Variants in SCHIP1 observed in about 807,000 individuals in gnomAD.
SCHIP1 encodes the protein schwannomin interacting protein 1, also known as schwannomin-interacting protein 1.
In SCHIP1, 8 loss-of-function variants were observed where a neutral mutation model predicts 29.7. The observed-to-expected ratio is 0.27, with a 90% CI of 0.16 to 0.49. The LOEUF (loss-of-function observed/expected upper bound fraction) is 0.49. Ranked by LOEUF, SCHIP1 falls within the 20% of genes least tolerant of loss-of-function variation. SCHIP1 has a pLI of 0.99. For missense variants in SCHIP1, 193 were observed against 294.6 expected (o/e 0.66, Z 2.52); for synonymous variants, 76 against 94.9 (o/e 0.80, Z 1.16).
the SCHIP1 span, among the ~76,000 whole-genome samples, chr3:159,443,458 T>C: frequency 6.6e-6 from 1 of 152,180 alleles, no homozygotes; most frequent in South Asian, 2.1e-4. Context: ...GGTGAAGTCA[T>C]TGTGGTAAAA....
chr3:159,463,817 TATTAC>T, the SCHIP1 span, among the ~76,000 whole-genome samples: 4 of 152,062 alleles, frequency 2.6e-5, no homozygotes, highest in African/African-American at 9.7e-5. Flanking sequence ...TTATTTTACA[TATTAC>T]ATTATTCTGT....
At chr3:159,444,922 A>G in the SCHIP1 span, among the ~76,000 whole-genome samples, 1 of 152,192 alleles carries the variant, frequency 6.6e-6, no homozygotes, top group African/African-American at 2.4e-5. Context: ...GAACATTAGA[A>G]AATTCAATTG....
chr3:159,722,415 T>A, the SCHIP1 span: 2 of 152,448 alleles, frequency 1.3e-5, no homozygotes, highest in Admixed American at 1.3e-4. Flanking sequence ...AGAATAATAA[T>A]CGGCACTTCT....
the SCHIP1 span, chr3:159,401,248 T>A: frequency 2.2e-6 from 2 of 895,426 alleles, no homozygotes; most frequent in Non-Finnish European, 2.7e-6. Flanking sequence ...GTCCAGTAAA[T>A]ATCCAGGTTT....
chr3:159,604,530 T>C, the SCHIP1 span, among the ~76,000 whole-genome samples: 1 of 152,176 alleles, frequency 6.6e-6, no homozygotes, highest in Non-Finnish European at 1.5e-5. Context: ...CTGGAAATAC[T>C]GAGATAAGTG....
the SCHIP1 span, among the ~76,000 whole-genome samples, chr3:159,496,184 A>G: frequency 6.6e-6 from 1 of 152,382 alleles, no homozygotes; most frequent in South Asian, 2.1e-4. Context: ...CATTCAGGAC[A>G]TAGGCATGGG....
the SCHIP1 span, among the ~76,000 whole-genome samples, chr3:159,404,616 G>A: frequency 4.6e-5 from 7 of 152,206 alleles, no homozygotes; most frequent in African/African-American, 1.7e-4. Flanking sequence ...CTTAGCCACA[G>A]TAGAATAGTG....
At chr3:159,517,891 G>GT in the SCHIP1 span, among the ~76,000 whole-genome samples, 3 of 152,050 alleles carry the variant, frequency 2.0e-5, no homozygotes, top group African/African-American at 7.2e-5. Context: ...CTTAGTAAGT[G>GT]TAGCTATCAA....
chr3:159,419,596 G>A, the SCHIP1 span, among the ~76,000 whole-genome samples: 1 of 152,104 alleles, frequency 6.6e-6, no homozygotes, highest in Non-Finnish European at 1.5e-5. Context: ...ATCACCTGAG[G>A]TCAGGAGTCC....
chr3:159,496,178 C>T, the SCHIP1 span, among the ~76,000 whole-genome samples: 1 of 152,172 alleles, frequency 6.6e-6, no homozygotes, highest in Non-Finnish European at 1.5e-5. Flanking sequence ...CAATACCATT[C>T]AGGACATAGG....
the SCHIP1 span, among the ~76,000 whole-genome samples, chr3:159,545,404 C>A: frequency 9.7e-4 from 147 of 151,926 alleles, 1 homozygote; most frequent in South Asian, 0.026. Context: ...ACTGGCCTAG[C>A]CTCCCAGCCT....
At chr3:159,680,863 A>G in the SCHIP1 span, among the ~76,000 whole-genome samples, 3 of 147,884 alleles carry the variant, frequency 2.0e-5, no homozygotes, top group African/African-American at 7.5e-5. Flanking sequence ...ATGCCTGGTT[A>G]TTTTTTGAAT....
At position 159,843,712 on chromosome 3, in the gene SCHIP1, A is replaced by G. The variant is rs140393014; in HGVS notation, c.30+3498A>G. Among the ~76,000 whole-genome samples, 1,299 of 150,656 alleles carry G rather than the reference A, an allele frequency of 8.6e-3. 18 individuals carry two copies. Among genetic ancestry groups the G allele is most frequent in the African/African-American group, 0.031 (1,255 of 40,602 alleles). ...GTGGCGGGCACCTGTAGTCCCAGCT[A>G]CTAGGGAGGCTGATGCAGGAGAATG... On this transcript the variant is annotated intron_variant, in intron 1 of 6. Coordinates refer to ENST00000445224, the Ensembl canonical transcript of SCHIP1.
At chr3:159,595,608 G>T in the SCHIP1 span, among the ~76,000 whole-genome samples, 25 of 152,044 alleles carry the variant, frequency 1.6e-4, no homozygotes, top group African/African-American at 6.0e-4. Context: ...CCCTTGAGAT[G>T]AAAACTAGAT....
chr3:159,483,435 A>T, the SCHIP1 span, among the ~76,000 whole-genome samples: 1 of 152,184 alleles, frequency 6.6e-6, no homozygotes, highest in East Asian at 1.9e-4. Flanking sequence ...ATTCACAGTT[A>T]TTTAACAGAT....
At chr3:159,355,025 A>G in the SCHIP1 span, among the ~76,000 whole-genome samples, 1 of 152,110 alleles carries the variant, frequency 6.6e-6, no homozygotes. Context: ...GTATTTATTG[A>G]CGAAGCATTT....
the SCHIP1 span, among the ~76,000 whole-genome samples, chr3:159,522,858 ACT>A: frequency 6.0e-3 from 920 of 152,122 alleles, 9 homozygotes; most frequent in African/African-American, 0.021. Context: ...ACAGAGCGAG[ACT>A]CTGTCTCAAA....
At chr3:159,737,193 A>G in the SCHIP1 span, among the ~76,000 whole-genome samples, 6 of 152,300 alleles carry the variant, frequency 3.9e-5, no homozygotes, top group Admixed American at 3.3e-4. Flanking sequence ...ATTAATCATC[A>G]GGTGAGTAGA....
chr3:159,802,621 G>A, the SCHIP1 span, among the ~76,000 whole-genome samples: 2 of 152,172 alleles, frequency 1.3e-5, no homozygotes, highest in African/African-American at 4.8e-5. Flanking sequence ...TCATTCTGGA[G>A]GTTGTGAGTG....
Sources: allele counts gnomAD v4.1 joint callset (sites outside exome capture counted in the v4.1 genomes callset), GRCh38; gene constraint gnomAD v4.1.1; transcripts MANE v1.5; gene names NCBI Gene and HGNC (gene_info 2026-07-23, HGNC 2026-07-21).